NELL2: variants seen among roughly 807,000 people sequenced by gnomAD.
NELL2 encodes the protein neural EGFL like 2.
NELL2 carries 41 observed loss-of-function variants against 109.6 expected under a neutral mutation model. The observed-to-expected ratio is 0.37, with a 90% confidence interval of 0.29 to 0.49. NELL2 has a LOEUF of 0.49. Among genes scored for constraint, NELL2 ranks in the 20% least tolerant of loss-of-function variants. The probability of loss-of-function intolerance (pLI) is 0.98; values close to 1 mark genes in which losing one functional copy is unlikely to be tolerated. For missense variants in NELL2, 900 were observed against 1,008.3 expected, an observed-to-expected ratio of 0.89 and a Z score of 1.45; for synonymous variants, 355 against 344.7, an observed-to-expected ratio of 1.03 and a Z score of -0.33.
At chr12:44,807,538 G>T (rs1943043550) in intron 3 of NELL2, among the ~76,000 whole-genome samples, 1 of 151,754 alleles carries the variant, frequency 6.6e-6, no homozygotes, top group African/African-American at 2.4e-5. Flanking sequence ...TTAAAAAATG[G>T]CAAAAGGGAA....
chr12:44,876,600 C>T (rs1003129263), upstream of NELL2: 5 of 1,547,910 alleles, frequency 3.2e-6, no homozygotes, highest in African/African-American at 6.9e-5. Context: ...GCGGTCTTTG[C>T]TCTCACCCCT....
At chr12:44,885,808 A>G (rs2136863731) in intron 1 of NELL2, among the ~76,000 whole-genome samples, 1 of 152,004 alleles carries the variant, frequency 6.6e-6, no homozygotes, top group South Asian at 2.1e-4. Context: ...AAAATCAAAG[A>G]AAACAGAAAA....
At chr12:44,595,695 C>T (rs890117478) in intron 15 of NELL2, among the ~76,000 whole-genome samples, 1 of 151,628 alleles carries the variant, frequency 6.6e-6, no homozygotes, top group African/African-American at 2.4e-5. Context: ...CCCGCCTCGG[C>T]CTCCCAAAGT....
Position 44,519,884 on chromosome 12 carries a change from T to C in NELL2, c.2400+121A>G, listed in dbSNP as rs568763634. ...TGAGTGGCATTCCGCCCACCTATGT[T>C]TGAAAAATAAACAGGAAAAAAAAAA... On this transcript the variant is annotated intron_variant, in intron 19 of 19. Coordinates refer to ENST00000429094, the MANE Select transcript of NELL2 (RefSeq NM_001145108.2). 7.0e-6 allele frequency: 6 copies of C among 856,784 alleles called. No individual in the cohort carries two copies. The South Asian group carries it at 7.8e-5, about 11-fold the overall frequency. 53.1% of individuals were successfully genotyped at this position (856,784 alleles called of 1,614,324 possible).
intron 16 of NELL2, among the ~76,000 whole-genome samples, chr12:44,529,192 A>T (rs760445787): frequency 5.9e-5 from 9 of 152,132 alleles, no homozygotes; most frequent in Non-Finnish European, 8.8e-5. Flanking sequence ...TTAGATTAAG[A>T]TGTTAACAGA....
Position 44,876,146 on chromosome 12 carries a change from C to T in NELL2, c.-277G>A, listed in dbSNP as rs1566580608. On this transcript the variant is annotated 5_prime_UTR_variant, in exon 1 of 20. Coordinates refer to ENST00000429094, the MANE Select transcript of NELL2 (RefSeq NM_001145108.2). ...AGGGGGCCCGGAGGGAGGGGTCGGA[C>T]TCGCCCCGGCGCGGCTCCGTCGGGG... The T allele has an allele frequency of 7.8e-7, 1 of 1,274,768 alleles. No individual in the cohort carries two copies. Among genetic ancestry groups the T allele is most frequent in the Non-Finnish European group, 9.9e-7 (1 of 1,008,692 alleles). The allele number at this position is 1,274,768 out of a possible 1,614,324, so 79.0% of individuals were successfully genotyped here.
In NELL2 at chr12:44,866,595, C is replaced by T. The variant is rs572408790; in HGVS notation, c.184+8630G>A. Among the ~76,000 whole-genome samples, 215 of 151,516 alleles carry T rather than the reference C, an allele frequency of 1.4e-3. 2 individuals are homozygous for T. The highest frequency in any genetic ancestry group is 4.4e-3 in the African/African-American group (183 of 41,306). On this transcript the variant is annotated intron_variant, in intron 2 of 19. Coordinates refer to ENST00000429094, the MANE Select transcript of NELL2 (RefSeq NM_001145108.2). ...CTACAAAAAGAAAAACAAAATAAGA[C>T]CAAAGTAAGACCAAAGGAATGAAAT...
At chr12:44,916,684 T>C (rs1027967371), upstream of NELL2, among the ~76,000 whole-genome samples, 4 of 152,156 alleles carry the variant, frequency 2.6e-5, no homozygotes, top group African/African-American at 9.7e-5. Context: ...TTACAGAGTA[T>C]GTAAGTCAAG....
At chr12:44,806,323 T>A (rs1163160592) in intron 3 of NELL2, among the ~76,000 whole-genome samples, 1 of 151,854 alleles carries the variant, frequency 6.6e-6, no homozygotes, top group Non-Finnish European at 1.5e-5. Context: ...ACCTTCTGAA[T>A]GGGCAAACTT....
chr12:44,664,088 T>C (rs932613031), intron 13 of NELL2, among the ~76,000 whole-genome samples: 4 of 152,144 alleles, frequency 2.6e-5, no homozygotes, highest in Admixed American at 6.5e-5. Flanking sequence ...TTCAGATTTA[T>C]TGGTATTATC....
chr12:44,874,992 G>A, intron 2 of NELL2: 1 of 475,712 alleles, frequency 2.1e-6, no homozygotes, highest in Non-Finnish European at 3.7e-6. Flanking sequence ...AGTAATTAAG[G>A]GACTATCCAT....
chr12:44,625,590 A>T (rs556740001), intron 13 of NELL2, among the ~76,000 whole-genome samples: 1 of 151,708 alleles, frequency 6.6e-6, no homozygotes, highest in Non-Finnish European at 1.5e-5. Context: ...TTCATGCATT[A>T]AAAAAAATGG....
At chr12:44,627,987 T>G (rs1946324924) in intron 13 of NELL2, among the ~76,000 whole-genome samples, 1 of 152,220 alleles carries the variant, frequency 6.6e-6, no homozygotes, top group Admixed American at 6.5e-5. Context: ...TGGATTCACA[T>G]GTTCTAACAT....
chr12:44,652,684 AG>A (rs1045233310), intron 13 of NELL2, among the ~76,000 whole-genome samples: 1 of 152,234 alleles, frequency 6.6e-6, no homozygotes, highest in African/African-American at 2.4e-5. Context: ...ATAGTGCATT[AG>A]TTTTCTATTG....
rs11182571 is a variant in NELL2, at chr12:44,621,163, T to C, written c.1445-10193A>G. Among the ~76,000 whole-genome samples, 158 of 152,252 alleles carry C rather than the reference T, an allele frequency of 1.0e-3. 2 individuals carry two copies. In the East Asian group the frequency reaches 0.026, roughly 25 times the overall value. On this transcript the variant is annotated intron_variant, in intron 13 of 19. Coordinates refer to ENST00000429094, the MANE Select transcript of NELL2 (RefSeq NM_001145108.2). The stretch of plus-strand genomic sequence containing the variant: ...TGCCTCCTTGCTGCCACATGTGCTA[T>C]TCTCGGCCCAGAAAGCCCCTTCCCA...
chr12:44,853,943 G>A (rs1415678276), intron 2 of NELL2, among the ~76,000 whole-genome samples: 1 of 152,074 alleles, frequency 6.6e-6, no homozygotes, highest in Non-Finnish European at 1.5e-5. Context: ...GTAGCCTAAA[G>A]GAAACATTTT....
At chr12:44,790,758 C>G (rs943305943) in intron 3 of NELL2, among the ~76,000 whole-genome samples, 1 of 151,748 alleles carries the variant, frequency 6.6e-6, no homozygotes, top group Admixed American at 6.6e-5. Flanking sequence ...CTCTCTGCTG[C>G]CTTCAGGAGA....
chr12:44,733,287 C>A (rs897136662), intron 9 of NELL2, among the ~76,000 whole-genome samples: 9 of 151,832 alleles, frequency 5.9e-5, no homozygotes, highest in African/African-American at 1.9e-4. Context: ...TTGCAATAGC[C>A]AAGAGGTGGA....
At chr12:44,673,645 T>G (rs1196655263) in intron 12 of NELL2, among the ~76,000 whole-genome samples, 1 of 152,154 alleles carries the variant, frequency 6.6e-6, no homozygotes, top group African/African-American at 2.4e-5. Context: ...CATCCAAAAT[T>G]TATTACAGAG....
Sources: gnomAD v4.1 joint callset for allele counts (sites outside exome capture counted in the v4.1 genomes callset) on GRCh38, gnomAD v4.1.1 for gene constraint, MANE v1.5 for transcripts, NCBI Gene and HGNC (gene_info 2026-07-23, HGNC 2026-07-21) for gene names.